Variants in FBXO30 observed in about 807,000 individuals in gnomAD.
FBXO30 encodes the protein F-box protein 30, also known as F-box only protein 30.
In FBXO30, 21 loss-of-function variants were observed where a neutral mutation model predicts 58.1. That is an observed-to-expected ratio of 0.36 (90% confidence interval 0.26 to 0.52). The LOEUF (loss-of-function observed/expected upper bound fraction) is 0.52. FBXO30 is among the 20% of genes least tolerant of loss of function. The pLI is 0.93. For synonymous variants in FBXO30, 309 were observed against 312.4 expected (o/e 0.99, Z 0.11); for missense variants, 744 against 897.3 (o/e 0.83, Z 2.18).
chr6:145,800,047 C>T lies in FBXO30; in HGVS notation c.*59G>A, dbSNP rs1051464122. On this transcript the variant is annotated 3_prime_UTR_variant, in exon 3 of 3. Coordinates refer to ENST00000237281, the MANE Select transcript of FBXO30 (RefSeq NM_032145.5). ...TATTTAATACATTAATAAAGTTTCA[C>T]ATATTACAAAGAAATTATACTAGGT... 1 of 1,264,974 alleles carries T rather than the reference C, an allele frequency of 7.9e-7. No homozygotes were observed. Among genetic ancestry groups the T allele is most frequent in the African/African-American group, 1.5e-5 (1 of 66,968 alleles). The allele number at this position is 1,264,974 out of a possible 1,614,324, so 78.4% of individuals were successfully genotyped here.
At chr6:145,802,664 T>C (rs1237545780) in intron 2 of FBXO30, among the ~76,000 whole-genome samples, 2 of 152,062 alleles carry the variant, frequency 1.3e-5, no homozygotes, top group Admixed American at 6.6e-5. Flanking sequence ...AGTGTAAGAA[T>C]TGTATTTAAG....
intron 2 of FBXO30, 137 bp downstream of exon 2, chr6:145,804,235 A>G (rs1005934059): frequency 1.4e-6 from 1 of 723,624 alleles, no homozygotes. Flanking sequence ...TACCATTAAG[A>G]AAAAGTCTGT....
Position 145,805,507 on chromosome 6 carries a change from T to A in FBXO30, c.899A>T (p.Asn300Ile), listed in dbSNP as rs150848751. The change falls in exon 2 of 3, where the codon AAT becomes ATT. Residue 300 changes from asparagine (N) to isoleucine (I), a missense_variant. By Grantham distance (149) the Asn-to-Ile change is moderately radical (BLOSUM62 -3). This residue lies in a region of FBXO30 where 275 missense variants were observed against 262.0 expected (regional missense o/e 1.05). Coordinates refer to ENST00000237281, the MANE Select transcript of FBXO30 (RefSeq NM_032145.5). ...TTTTGAATCACCATGTAAATTCTGA[T>A]TCTGGTCTATGACCTGGGTACATAT... is the stretch of plus-strand genomic sequence containing the variant. ...ENICTQVIDQ[N>I]QNLHGDSKQS... 407 of 1,605,302 alleles carry A rather than the reference T, an allele frequency of 2.5e-4. No homozygotes were observed. In the African/African-American group the frequency reaches 4.8e-3, roughly 19 times the overall value.
chr6:145,807,692 T>C lies in FBXO30; in HGVS notation c.-16-1271A>G, dbSNP rs190855809. Among the ~76,000 whole-genome samples, 259 of 152,348 alleles carry C rather than the reference T, an allele frequency of 1.7e-3. 2 individuals are homozygous for C. Among genetic ancestry groups the C allele is most frequent in the Non-Finnish European group, 1.1e-3 (78 of 68,030 alleles). ...TCATAACCTTTATAAAGAAAAGTTTTATATGAAAAATAAAAGTCTAACCAT... is the reference window on the plus strand; with the variant it reads ...TCATAACCTTTATAAAGAAAAGTTTCATATGAAAAATAAAAGTCTAACCAT... On this transcript the variant is annotated intron_variant, in intron 1 of 2. Coordinates refer to ENST00000237281, the MANE Select transcript of FBXO30 (RefSeq NM_032145.5).
rs9497415 is a variant in FBXO30 at position 145,807,385 on chromosome 6, T to G, written c.-16-964A>C. Among the ~76,000 whole-genome samples, 798 of 152,274 alleles carry G rather than the reference T, an allele frequency of 5.2e-3. 4 individuals carry two copies. The highest frequency in any genetic ancestry group is 0.018 in the African/African-American group (763 of 41,538). Reference sequence around the variant, plus strand: ...GGTAAACTGGTAAGAAAGAGAGGCATTCAATGCAGAAGTAATAGCATATGC... The same window carrying G: ...GGTAAACTGGTAAGAAAGAGAGGCAGTCAATGCAGAAGTAATAGCATATGC... On this transcript the variant is annotated intron_variant, in intron 1 of 2. Coordinates refer to ENST00000237281, the MANE Select transcript of FBXO30 (RefSeq NM_032145.5).
rs1490188191 is a variant in FBXO30 at position 145,814,738 on chromosome 6, G to C, written c.-152C>G. The C allele has an allele frequency of 6.5e-6, 1 of 153,422 alleles. No homozygotes were observed. Among genetic ancestry groups the C allele is most frequent in the African/African-American group, 2.4e-5 (1 of 41,420 alleles). 9.5% of individuals were successfully genotyped at this position (153,422 alleles called of 1,614,324 possible). A position where few individuals can be genotyped will look rare whatever the true frequency, so the allele number is the denominator to read the frequency against. On this transcript the variant is annotated 5_prime_UTR_variant, in exon 1 of 3. Transcript: ENST00000237281. ...CCTCCTCCGCCCCTCTTCCCCAGCC[G>C]GGCCGCCGCCTTTTCTCTTCTCCCG... is the stretch of plus-strand genomic sequence containing the variant.
chr6:145,795,362 A>C lies in FBXO30; in HGVS notation c.*4744T>G, dbSNP rs1777849691. On this transcript the variant is annotated 3_prime_UTR_variant, in exon 3 of 3. Transcript: ENST00000237281. The stretch of plus-strand genomic sequence containing the variant: ...TTTTGTTACTTTCAAATACACGAAG[A>C]ACTATTAACCACCACAAGAACTAGC... The C allele has an allele frequency of 6.6e-6, 1 of 151,878 alleles. No homozygotes were observed. The highest frequency in any genetic ancestry group is 6.6e-5 in the Admixed American group (1 of 15,242). 9.4% of individuals were successfully genotyped at this position (151,878 alleles called of 1,614,324 possible).
intron 2 of FBXO30, among the ~76,000 whole-genome samples, chr6:145,802,339 C>A (rs1015351414): frequency 7.9e-5 from 12 of 152,110 alleles, no homozygotes; most frequent in African/African-American, 2.9e-4. Context: ...GCTTAATTAA[C>A]CTCTGTTTCT....
Position 145,800,046 on chromosome 6 carries a change from A to G in FBXO30, c.*60T>C. ...ATATTTAATACATTAATAAAGTTTCACATATTACAAAGAAATTATACTAGG... is the reference window on the plus strand; with the variant it reads ...ATATTTAATACATTAATAAAGTTTCGCATATTACAAAGAAATTATACTAGG... On this transcript the variant is annotated 3_prime_UTR_variant, in exon 3 of 3. Coordinates refer to ENST00000237281, the MANE Select transcript of FBXO30 (RefSeq NM_032145.5). 1 of 1,255,740 alleles carries G rather than the reference A, an allele frequency of 8.0e-7. No individual in the cohort carries two copies. Among genetic ancestry groups the G allele is most frequent in the Non-Finnish European group, 1.1e-6 (1 of 872,870 alleles). The allele number at this position is 1,255,740 out of a possible 1,614,324, so 77.8% of individuals were successfully genotyped here. A position where few individuals can be genotyped will look rare whatever the true frequency, so the allele number is the denominator to read the frequency against.
In FBXO30 at chr6:145,797,685, G is replaced by A. The variant is rs1777891406; in HGVS notation, c.*2421C>T. On this transcript the variant is annotated 3_prime_UTR_variant, in exon 3 of 3. Coordinates refer to ENST00000237281, the MANE Select transcript of FBXO30 (RefSeq NM_032145.5). ...TCTAGAAAAAAGAGTGAGAGAGGGA[G>A]AAGGGAAAGGGAGAGGGAGAAAGAT... 6.6e-6 allele frequency: 1 copy of A among 152,050 alleles called. No homozygotes were observed. Among genetic ancestry groups the A allele is most frequent in the South Asian group, 2.1e-4 (1 of 4,828 alleles). 9.4% of individuals were successfully genotyped at this position (152,050 alleles called of 1,614,324 possible).
intron 2 of FBXO30, among the ~76,000 whole-genome samples, chr6:145,800,572 A>T (rs1467526612): frequency 6.6e-6 from 1 of 152,128 alleles, no homozygotes; most frequent in Admixed American, 6.6e-5. Context: ...AATCACACCC[A>T]ATCTGGCTTA....
At chr6:145,812,638 A>G (rs1378494478) in intron 1 of FBXO30, among the ~76,000 whole-genome samples, 2 of 152,200 alleles carry the variant, frequency 1.3e-5, no homozygotes, top group African/African-American at 4.8e-5. Context: ...CACAACAGCC[A>G]CACTTATATA....
intron 1 of FBXO30, among the ~76,000 whole-genome samples, chr6:145,809,608 AAT>A (rs1299125616): frequency 5.9e-5 from 9 of 152,318 alleles, no homozygotes; most frequent in African/African-American, 2.2e-4. Flanking sequence ...GCTTCAAACA[AAT>A]AGTCTCTTTT....
chr6:145,805,564 GAAGTGTCAT>G lies in FBXO30; in HGVS notation c.833_841del (p.Tyr278_Thr280del). 1 of 1,612,552 alleles carries G rather than the reference GAAGTGTCAT, an allele frequency of 6.2e-7. No individual in the cohort carries two copies. Among genetic ancestry groups the G allele is most frequent in the South Asian group, 1.1e-5 (1 of 90,692 alleles). On this transcript the variant is annotated inframe_deletion, in exon 2 of 3. Coordinates refer to ENST00000237281, the MANE Select transcript of FBXO30 (RefSeq NM_032145.5). Reference sequence around the variant, plus strand: ...CAAAGGAAAGCCATTACAAAGAGCAGAAGTGTCATAAGAACTTGTATTCAAGTCACATAA... The same window carrying G: ...CAAAGGAAAGCCATTACAAAGAGCAGAAGAACTTGTATTCAAGTCACATAA...
chr6:145,813,233 T>G (rs1261006548), intron 1 of FBXO30, among the ~76,000 whole-genome samples: 1 of 151,994 alleles, frequency 6.6e-6, no homozygotes, highest in African/African-American at 2.4e-5. Context: ...ATTAAATACC[T>G]AGTACACTTG....
rs747686549 is a variant in FBXO30, at chr6:145,805,390, T to A, written c.1016A>T (p.Glu339Val). The A allele has an allele frequency of 6.8e-6, 11 of 1,613,932 alleles. No individual in the cohort carries two copies. The highest frequency in any genetic ancestry group is 9.3e-6 in the Non-Finnish European group (11 of 1,179,992). ...AGGCAAAGCACTGGATGGTATTATT[T>A]CCCTAAGTTGTGCTGCCACCGCAAG... ...SSLAVAAQLR[E>V]IIPSSALPNG... Residue 339 changes from glutamate to valine, a missense_variant, in exon 2 of 3, where the codon GAA becomes GTA. By Grantham distance (121) the Glu-to-Val change is moderately radical (BLOSUM62 -2). Around this residue, in one of 3 missense-constraint regions of FBXO30, gnomAD observed 275 missense variants for 262.0 expected, o/e 1.05. Coordinates refer to ENST00000237281, the MANE Select transcript of FBXO30 (RefSeq NM_032145.5).
chr6:145,813,292 A>T (rs1219677111), intron 1 of FBXO30, among the ~76,000 whole-genome samples: 1 of 151,964 alleles, frequency 6.6e-6, no homozygotes, highest in African/African-American at 2.4e-5. Context: ...CTCTTACAGC[A>T]TTCACGAAAC....
In FBXO30 at chr6:145,797,297, G is replaced by C. The variant is rs112372927; in HGVS notation, c.*2809C>G. ...ACCCAGTGTATTTTGTCATATGGCT[G>C]TAAAATTGAGACAACATATATAGTT... On this transcript the variant is annotated 3_prime_UTR_variant, in exon 3 of 3. Coordinates refer to ENST00000237281, the MANE Select transcript of FBXO30 (RefSeq NM_032145.5). The C allele has an allele frequency of 3.8e-3, 571 of 152,104 alleles. 7 individuals are homozygous for C. The highest frequency in any genetic ancestry group is 0.013 in the African/African-American group (545 of 41,522). 9.4% of individuals were successfully genotyped at this position (152,104 alleles called of 1,614,324 possible). A position where few individuals can be genotyped will look rare whatever the true frequency, so the allele number is the denominator to read the frequency against.
intron 1 of FBXO30, among the ~76,000 whole-genome samples, chr6:145,807,649 C>T (rs924296864): frequency 2.0e-5 from 3 of 151,966 alleles, no homozygotes; most frequent in Admixed American, 1.3e-4. Context: ...AATGGTCTTC[C>T]CTGCTTTAAA....
Sources: gnomAD v4.1 joint callset for allele counts (sites outside exome capture counted in the v4.1 genomes callset) on GRCh38, gnomAD v4.1.1 for gene constraint, gnomAD v4.1.1 regional missense constraint, MANE v1.5 for transcripts, NCBI Gene and HGNC (gene_info 2026-07-23, HGNC 2026-07-21) for gene names.